The following NEK1 variants were observed in gnomAD, a reference collection of about 807,000 sequenced individuals.
NEK1 encodes the protein serine/threonine-protein kinase Nek1.
A neutral mutation model predicts 182.1 loss-of-function variants in NEK1; 137 were observed. That is an observed-to-expected ratio of 0.75 (90% CI 0.65 to 0.87). The LOEUF (loss-of-function observed/expected upper bound fraction) is 0.87, where lower values mean the gene tolerates loss of function less well. Among genes scored for constraint, NEK1 ranks in the 40% least tolerant of loss-of-function variants. The pLI is 0.00. For synonymous variants in NEK1, 513 were observed against 492.2 expected (o/e 1.04, Z -0.56); for missense variants, 1,391 against 1,494.4 (o/e 0.93, Z 1.14).
Position 169,394,392 on chromosome 4 carries a change from C to A in NEK1, c.*118G>T. 2 of 617,380 alleles carry A rather than the reference C, an allele frequency of 3.2e-6. No homozygotes were observed. Among genetic ancestry groups the A allele is most frequent in the South Asian group, 2.2e-5 (1 of 45,600 alleles). The allele number at this position is 617,380 out of a possible 1,614,324, so 38.2% of individuals were successfully genotyped here. A position where few individuals can be genotyped will look rare whatever the true frequency, so the allele number is the denominator to read the frequency against. On this transcript the variant is annotated 3_prime_UTR_variant, in exon 36 of 36. Transcript: ENST00000507142. ...ATCTTTTTCATGCAATAAGAAAGTC[C>A]ATCTTAAATCTGATTTTTTAAATAA...
intron 12 of NEK1, 137 bp from the exon 13 acceptor site, chr4:169,562,333 A>T (rs1250334203): frequency 1.3e-5 from 4 of 311,546 alleles, no homozygotes; most frequent in East Asian, 1.1e-4. Flanking sequence ...ACATTATCTT[A>T]AAAAAAAAAA....
At chr4:169,554,092 T>C (rs1021039174) in intron 18 of NEK1, 1 of 152,214 alleles carries the variant, frequency 6.6e-6, no homozygotes, top group African/African-American at 2.4e-5. Flanking sequence ...GCAACCAAGA[T>C]GTCCTTCAGT....
chr4:169,401,489 T>C (rs1037190915), intron 33 of NEK1, among the ~76,000 whole-genome samples, 163 bp downstream of exon 33: 7 of 152,032 alleles, frequency 4.6e-5, no homozygotes, highest in East Asian at 1.9e-4. Context: ...AAATCACACA[T>C]TTGTATGAAA....
intron 8 of NEK1, 34 bp from the exon 9 acceptor site, chr4:169,587,647 G>C (rs1169420381): frequency 1.5e-6 from 2 of 1,371,226 alleles, no homozygotes; most frequent in African/African-American, 1.5e-5. Flanking sequence ...TTTCCTCTAA[G>C]TATTTCAAAT....
chr4:169,607,617 C>T (rs572411789), intron 2 of NEK1, among the ~76,000 whole-genome samples: 27 of 152,144 alleles, frequency 1.8e-4, no homozygotes, highest in African/African-American at 3.9e-4. Context: ...CGCCTGCCAC[C>T]ACGCCCGGCT....
intron 23 of NEK1, among the ~76,000 whole-genome samples, chr4:169,498,483 C>T (rs28831525): frequency 0.28 from 42,950 of 152,032 alleles, 8,629 homozygotes; most frequent in African/African-American, 0.58. Context: ...TTAGTTGATG[C>T]AGTTTCTTAC....
chr4:169,409,127 A>G (rs1384994434), intron 31 of NEK1, among the ~76,000 whole-genome samples: 1 of 152,090 alleles, frequency 6.6e-6, no homozygotes, highest in African/African-American at 2.4e-5. Flanking sequence ...CATCCAAGCC[A>G]ACATCTATTG....
At chr4:169,469,055 CA>C (rs1433775039) in intron 26 of NEK1, among the ~76,000 whole-genome samples, 1 of 151,984 alleles carries the variant, frequency 6.6e-6, no homozygotes, top group Non-Finnish European at 1.5e-5. Flanking sequence ...TTAATCTTTT[CA>C]AAAAACCAGC....
chr4:169,549,025 A>G (rs1002925019), intron 18 of NEK1, among the ~76,000 whole-genome samples: 6 of 151,528 alleles, frequency 4.0e-5, no homozygotes, highest in Non-Finnish European at 7.4e-5. Flanking sequence ...ATGAAAAAAA[A>G]CTCCTTTGGC....
intron 23 of NEK1, among the ~76,000 whole-genome samples, chr4:169,495,881 T>C (rs1239328856): frequency 6.6e-6 from 1 of 152,198 alleles, no homozygotes; most frequent in Non-Finnish European, 1.5e-5. Context: ...GACTTGGCAA[T>C]GCGGGCTCTT....
At chr4:169,419,380 T>A (rs948260822) in intron 31 of NEK1, among the ~76,000 whole-genome samples, 5 of 151,786 alleles carry the variant, frequency 3.3e-5, no homozygotes, top group African/African-American at 4.8e-5. Context: ...GAAGTGTTAA[T>A]GGAAGTTCTT....
At chr4:169,564,386 T>C (rs907124251) in intron 12 of NEK1, among the ~76,000 whole-genome samples, 1 of 152,106 alleles carries the variant, frequency 6.6e-6, no homozygotes, top group Admixed American at 6.5e-5. Flanking sequence ...TTGTCTCTAC[T>C]AACAATTCCA....
rs1730365627 is a variant in NEK1, at chr4:169,394,453, T to C, written c.*57A>G. The C allele has an allele frequency of 3.5e-6, 4 of 1,143,534 alleles. No individual in the cohort carries two copies. In the Admixed American group the frequency reaches 6.1e-5, roughly 18 times the overall value. 70.8% of individuals were successfully genotyped at this position (1,143,534 alleles called of 1,614,324 possible). On this transcript the variant is annotated 3_prime_UTR_variant, in exon 36 of 36. Transcript: ENST00000507142. ...TATTTCCCACTGAAGCTTGTTATTC[T>C]GATAAGCCAAATTCAAATGCTTTCA... is the stretch of plus-strand genomic sequence containing the variant.
chr4:169,454,660 A>C (rs1022209887), intron 27 of NEK1, among the ~76,000 whole-genome samples: 1 of 152,246 alleles, frequency 6.6e-6, no homozygotes, highest in Admixed American at 6.5e-5. Flanking sequence ...AATGGCAATC[A>C]TTAAAAAGTG....
rs1282485000 is a variant in NEK1, at chr4:169,587,595, C to A, written c.570G>T (p.Gly190=). Residue 190 remains glycine, a synonymous_variant, in exon 9 of 36, where the codon GGG becomes GGT. Coordinates refer to ENST00000507142, the MANE Select transcript of NEK1 (RefSeq NM_001199397.3). Reference sequence around the variant, plus strand: ...GTGTACACAGCTCATAAAGGACACACCCCAGAGCCCAAATGTCACTGGAGA... The same window carrying A: ...GTGTACACAGCTCATAAAGGACACAACCCAGAGCCCAAATGTCACTGGAGA... ...YNNKSDIWAL[G]CVLYELCTLK... The A allele has an allele frequency of 1.9e-6, 3 of 1,549,038 alleles. No homozygotes were observed. Among genetic ancestry groups the A allele is most frequent in the South Asian group, 2.4e-5 (2 of 82,002 alleles).
intron 29 of NEK1, among the ~76,000 whole-genome samples, 188 bp downstream of exon 29, chr4:169,433,357 G>C (rs1361415524): frequency 6.6e-6 from 1 of 152,126 alleles, no homozygotes; most frequent in African/African-American, 2.4e-5. Flanking sequence ...ACTGTGCCCG[G>C]CCTCTTCAAA....
At chr4:169,569,769 CAGACGGAGTCTCGTTCACTCAGTGCTCA>C (rs1422984540) in intron 12 of NEK1, among the ~76,000 whole-genome samples, 2 of 152,220 alleles carry the variant, frequency 1.3e-5, no homozygotes, top group Admixed American at 1.3e-4. Flanking sequence ...GCCGGGATTG[CAGACGGAGTCTCGTTCACTCAGTGCTCA>C]ATGGTGCCCA....
chr4:169,572,436 T>G (rs1765022002), intron 12 of NEK1, among the ~76,000 whole-genome samples: 1 of 152,174 alleles, frequency 6.6e-6, no homozygotes, highest in African/African-American at 2.4e-5. Flanking sequence ...AGTTCATTTT[T>G]ATATATGGTA....
At chr4:169,453,636 C>T (rs1435461334) in intron 27 of NEK1, among the ~76,000 whole-genome samples, 1 of 152,262 alleles carries the variant, frequency 6.6e-6, no homozygotes, top group Non-Finnish European at 1.5e-5. Context: ...CATGAGCGAT[C>T]TGTGCTTTAA....
Sources: gnomAD v4.1 joint callset for allele counts (sites outside exome capture counted in the v4.1 genomes callset) on GRCh38, gnomAD v4.1.1 for gene constraint, MANE v1.5 for transcripts, NCBI Gene and HGNC (gene_info 2026-07-23, HGNC 2026-07-21) for gene names.